Variants in MOB4 observed in about 807,000 individuals in gnomAD.
MOB4 encodes MOB-like protein phocein.
Under a neutral mutation model 32.2 loss-of-function variants are expected in MOB4, and 4 were observed. The ratio of observed to expected loss-of-function variants is 0.12; its 90% CI spans 0.06 to 0.28. The LOEUF is 0.28. MOB4 is among the 10% of genes least tolerant of loss of function. The pLI is 1.00. For missense variants in MOB4, 158 were observed against 271.2 expected (o/e 0.58, Z 2.93); for synonymous variants, 88 against 88.1 (o/e 1.00, Z 0.01).
chr2:197,517,117 A>G (rs1204565699), intron 1 of MOB4, among the ~76,000 whole-genome samples: 1 of 152,214 alleles, frequency 6.6e-6, no homozygotes, highest in Non-Finnish European at 1.5e-5. Context: ...TTATGGAAAG[A>G]ACACCTTTCG....
intron 1 of MOB4, among the ~76,000 whole-genome samples, chr2:197,517,140 A>G (rs2086429091): frequency 6.6e-6 from 1 of 152,236 alleles, no homozygotes; most frequent in African/African-American, 2.4e-5. Flanking sequence ...GGGGGCATAC[A>G]GGTATTGATT....
At chr2:197,521,997 G>T (rs1322141658) in intron 1 of MOB4, among the ~76,000 whole-genome samples, 1 of 152,174 alleles carries the variant, frequency 6.6e-6, no homozygotes, top group African/African-American at 2.4e-5. Context: ...GAAGTGATAA[G>T]TGTCCATGAA....
chr2:197,550,164 G>A (rs1045504002), intron 6 of MOB4, 111 bp from the exon 7 acceptor site: 14 of 965,388 alleles, frequency 1.5e-5, no homozygotes, highest in Non-Finnish European at 1.9e-5. Context: ...TGGAGTAGTC[G>A]CTTATTTTCC....
At chr2:197,546,323 A>G (rs1466895073) in intron 5 of MOB4, among the ~76,000 whole-genome samples, 1 of 152,042 alleles carries the variant, frequency 6.6e-6, no homozygotes, top group Non-Finnish European at 1.5e-5. Context: ...GGCCTCCCAA[A>G]ATGCTGGAAT....
At chr2:197,524,782 T>A (rs1461970518) in intron 2 of MOB4, among the ~76,000 whole-genome samples, 1 of 151,938 alleles carries the variant, frequency 6.6e-6, no homozygotes, top group Non-Finnish European at 1.5e-5. Context: ...CCTGTCTTTT[T>A]TTTTTTTAGA....
At chr2:197,517,005 G>A (rs150938110) in intron 1 of MOB4, among the ~76,000 whole-genome samples, 1 of 152,298 alleles carries the variant, frequency 6.6e-6, no homozygotes, top group East Asian at 1.9e-4. Context: ...GAAGAGATGT[G>A]TTTATAAAAT....
At chr2:197,530,636 T>G (rs929086529) in intron 2 of MOB4, among the ~76,000 whole-genome samples, 1 of 150,534 alleles carries the variant, frequency 6.6e-6, no homozygotes, top group Non-Finnish European at 1.5e-5. Context: ...TTTTTCTTTG[T>G]TTTTTTTGAG....
rs559417176 is a variant in MOB4, at chr2:197,521,829, C to T, written c.61-1795C>T. ...CAATTGCTGTTATCCTGTTCTTTTT[C>T]CAAGGTGCCCAGATTTCATATTGTT... On this transcript the variant is annotated intron_variant, in intron 1 of 7. Coordinates refer to ENST00000323303, the MANE Select transcript of MOB4 (RefSeq NM_015387.5). Among the ~76,000 whole-genome samples the T allele has an allele frequency of 2.8e-3, 427 of 152,276 alleles. 3 individuals are homozygous for T. Among genetic ancestry groups the T allele is most frequent in the South Asian group, 8.3e-3 (40 of 4,820 alleles).
chr2:197,523,239 GA>G (rs1319324127), intron 1 of MOB4, among the ~76,000 whole-genome samples: 1 of 151,966 alleles, frequency 6.6e-6, no homozygotes, highest in Non-Finnish European at 1.5e-5. Context: ...TCTGTGATTG[GA>G]AAAAACGTAA....
At chr2:197,538,390 G>GT (rs780605739) in intron 3 of MOB4, among the ~76,000 whole-genome samples, 2,464 of 127,814 alleles carry the variant, frequency 0.019, 48 homozygotes, top group African/African-American at 0.053. Flanking sequence ...CCAGGAAGAG[G>GT]TTTTTTTTTT....
intron 1 of MOB4, among the ~76,000 whole-genome samples, chr2:197,518,584 G>T (rs1168667051): frequency 6.0e-5 from 9 of 151,102 alleles, no homozygotes; most frequent in Non-Finnish European, 1.3e-4. Context: ...TGTGTGTGAG[G>T]CAGAGTCTCG....
rs369012087 is a variant in MOB4, at chr2:197,535,666, C to G, written c.224+36C>G. 30 of 1,574,366 alleles carry G rather than the reference C, an allele frequency of 1.9e-5. No individual in the cohort carries two copies. In the African/African-American group the frequency reaches 4.0e-4, roughly 21 times the overall value. Reference sequence around the variant, plus strand: ...ACATCAAAATACTAATAGTACCTCTCACAAAACTAGCTTTCATATTAATGA... The same window carrying G: ...ACATCAAAATACTAATAGTACCTCTGACAAAACTAGCTTTCATATTAATGA... On this transcript the variant is annotated intron_variant, in intron 3 of 7. Transcript: ENST00000323303.
intron 2 of MOB4, among the ~76,000 whole-genome samples, chr2:197,524,298 C>T (rs1162369371): frequency 3.3e-5 from 5 of 151,760 alleles, no homozygotes; most frequent in African/African-American, 9.7e-5. Context: ...TTTGGGAAGC[C>T]GAGGCAGGTG....
intron 2 of MOB4, among the ~76,000 whole-genome samples, chr2:197,524,530 C>CAAAAAAAAAAAAAAAACAAAAA (rs2086574413): frequency 9.2e-6 from 1 of 108,976 alleles, no homozygotes; most frequent in Non-Finnish European, 1.9e-5. Context: ...GACTCTGTCT[C>CAAAAAAAAAAAAAAAACAAAAA]AAAAAAAAAA....
At chr2:197,525,724 AAAAG>A (rs1469289258) in intron 2 of MOB4, among the ~76,000 whole-genome samples, 2 of 152,006 alleles carry the variant, frequency 1.3e-5, no homozygotes, top group African/African-American at 4.8e-5. Context: ...AAAAAAAAAA[AAAAG>A]AAAAAGTGCT....
At chr2:197,542,692 T>C (rs549140492) in intron 5 of MOB4, among the ~76,000 whole-genome samples, 81 of 152,344 alleles carry the variant, frequency 5.3e-4, no homozygotes, top group Non-Finnish European at 9.4e-4. Context: ...AGTAGCATTA[T>C]GATTATATAT....
chr2:197,545,127 A>C (rs546213238), intron 5 of MOB4, among the ~76,000 whole-genome samples: 1 of 152,370 alleles, frequency 6.6e-6, no homozygotes, highest in East Asian at 1.9e-4. Context: ...TATTTATGAT[A>C]GCCAAAAAAT....
At chr2:197,533,994 A>T (rs1436223565) in intron 2 of MOB4, 1 of 509,454 alleles carries the variant, frequency 2.0e-6, no homozygotes. Flanking sequence ...TGGCACACAT[A>T]CTTAATATTG....
intron 1 of MOB4, among the ~76,000 whole-genome samples, chr2:197,522,790 G>A (rs1210496099): frequency 6.6e-6 from 1 of 152,110 alleles, no homozygotes. Flanking sequence ...TCTGAAGTAG[G>A]CGGATCACGA....
Sources: gnomAD v4.1 joint callset for allele counts (sites outside exome capture counted in the v4.1 genomes callset) on GRCh38, gnomAD v4.1.1 for gene constraint, MANE v1.5 for transcripts, NCBI Gene and HGNC (gene_info 2026-07-23, HGNC 2026-07-21) for gene names.